The following DOCK1 variants were observed in gnomAD, a reference collection of about 807,000 sequenced individuals.
The protein encoded by DOCK1 is dedicator of cytokinesis protein 1.
Under a neutral mutation model 262.7 loss-of-function variants are expected in DOCK1, and 138 were observed. That is an observed-to-expected ratio of 0.53 (90% CI 0.46 to 0.61). The LOEUF is 0.61. DOCK1 is among the 20% of genes least tolerant of loss of function. The pLI, the probability that DOCK1 is intolerant of heterozygous loss-of-function variation, is 0.00. For synonymous variants in DOCK1, 866 were observed against 867.4 expected, an observed-to-expected ratio of 1.00 and a Z score of 0.03; for missense variants, 1,908 against 2,370.7, an observed-to-expected ratio of 0.80 and a Z score of 4.05.
At chr10:127,230,327 T>G (rs2058795547) in intron 27 of DOCK1, among the ~76,000 whole-genome samples, 1 of 152,168 alleles carries the variant, frequency 6.6e-6, no homozygotes, top group Admixed American at 6.5e-5. Context: ...TAAGGTTATA[T>G]CCAAAAACTC....
Position 127,223,370 on chromosome 10 carries a change from T to A in DOCK1, c.2848-24638T>A, listed in dbSNP as rs550417519. Among the ~76,000 whole-genome samples the A allele has an allele frequency of 1.1e-4, 17 of 152,338 alleles. 2 individuals are homozygous for A. Among genetic ancestry groups the A allele is most frequent in the Admixed American group, 1.1e-3 (17 of 15,308 alleles). On this transcript the variant is annotated intron_variant, in intron 27 of 51. Coordinates refer to ENST00000623213, the MANE Select transcript of DOCK1 (RefSeq NM_001290223.2). ...TGCTTTTTAATTTATTTTCTTGAGT[T>A]TAGTAATTCTATCTTGCTAATGTAC...
chr10:127,142,620 G>A (rs1371618173), intron 27 of DOCK1, among the ~76,000 whole-genome samples: 4 of 152,120 alleles, frequency 2.6e-5, no homozygotes, highest in Admixed American at 2.6e-4. Context: ...GGTGAGAAGG[G>A]AAGATCCCTG....
rs903579848 is a variant in DOCK1 at position 127,030,474 on chromosome 10, A to G, written c.1625-1176A>G. 5.9e-5 allele frequency among the ~76,000 whole-genome samples: 9 copies of G among 152,150 alleles called. No homozygotes were observed. The South Asian group carries it at 1.4e-3, about 24-fold the overall frequency. ...CGCTAGGTCCCCCTCTTCCTGCAGC[A>G]TTGACATCTTGGCTTATGTGCTGTC... On this transcript the variant is annotated intron_variant, in intron 16 of 51. Coordinates refer to ENST00000623213, the MANE Select transcript of DOCK1 (RefSeq NM_001290223.2).
At chr10:127,179,990 G>A (rs1023269) in intron 27 of DOCK1, among the ~76,000 whole-genome samples, 1 of 152,154 alleles carries the variant, frequency 6.6e-6, no homozygotes, top group Non-Finnish European at 1.5e-5. Context: ...ACACGATTTT[G>A]GGATTTTTTG....
At position 127,447,558 on chromosome 10, in the gene DOCK1, T is replaced by A; in HGVS notation, c.5565+13T>A. ...TCCACACCAGAGGGTAAGTCGGCAA[T>A]CTGAAACACAGGCTTTCATTGCTTC... On this transcript the variant is annotated intron_variant, in intron 51 of 51. Coordinates refer to ENST00000623213, the MANE Select transcript of DOCK1 (RefSeq NM_001290223.2). 6 of 1,613,036 alleles carry A rather than the reference T, an allele frequency of 3.7e-6. No individual in the cohort carries two copies. The highest frequency in any genetic ancestry group is 5.1e-6 in the Non-Finnish European group (6 of 1,179,322).
At chr10:127,306,561 CG>C (rs1346345857) in intron 29 of DOCK1, among the ~76,000 whole-genome samples, 1 of 152,154 alleles carries the variant, frequency 6.6e-6, no homozygotes, top group African/African-American at 2.4e-5. Context: ...CAGGAGCTCT[CG>C]GGTCGCTGGG....
At chr10:127,421,470 A>T (rs556120746) in intron 46 of DOCK1, among the ~76,000 whole-genome samples, 2 of 152,356 alleles carry the variant, frequency 1.3e-5, no homozygotes, top group African/African-American at 2.4e-5. Flanking sequence ...TAAAATATAC[A>T]TAACATAAAA....
At chr10:127,388,291 A>T (rs571540081) in intron 38 of DOCK1, among the ~76,000 whole-genome samples, 1 of 152,330 alleles carries the variant, frequency 6.6e-6, no homozygotes, top group African/African-American at 2.4e-5. Context: ...TCTTCGTAGT[A>T]GCTGCATTGA....
chr10:127,116,706 G>T (rs549843436), intron 25 of DOCK1, among the ~76,000 whole-genome samples: 99 of 152,082 alleles, frequency 6.5e-4, no homozygotes, highest in South Asian at 1.2e-3. Flanking sequence ...GAAATATATC[G>T]AAAGGGATCT....
chr10:127,288,011 T>C (rs185459250), intron 29 of DOCK1, among the ~76,000 whole-genome samples: 2 of 152,372 alleles, frequency 1.3e-5, no homozygotes, highest in Admixed American at 1.3e-4. Context: ...CTGAGAGTGT[T>C]TATTAAAGGA....
At chr10:127,363,041 C>CCA (rs1300901734) in intron 33 of DOCK1, among the ~76,000 whole-genome samples, 11 of 19,102 alleles carry the variant, frequency 5.8e-4, no homozygotes, top group African/African-American at 1.0e-3. Flanking sequence ...GCACCTCCCC[C>CCA]CACACACACA....
intron 13 of DOCK1, among the ~76,000 whole-genome samples, chr10:127,019,638 C>T (rs527964488): frequency 6.6e-5 from 10 of 152,210 alleles, no homozygotes; most frequent in African/African-American, 1.9e-4. Flanking sequence ...ATTCTAGTTA[C>T]TTTGGGGGGC....
intron 29 of DOCK1, among the ~76,000 whole-genome samples, chr10:127,317,701 A>T (rs892619859): frequency 4.2e-5 from 6 of 142,958 alleles, no homozygotes. Flanking sequence ...TAGTTGGGTT[A>T]GTTGAGATAA....
At chr10:127,244,555 A>G (rs1229444822) in intron 27 of DOCK1, among the ~76,000 whole-genome samples, 1 of 152,176 alleles carries the variant, frequency 6.6e-6, no homozygotes, top group Non-Finnish European at 1.5e-5. Context: ...TCACATTATC[A>G]TCATTGAAAT....
intron 1 of DOCK1, among the ~76,000 whole-genome samples, chr10:126,911,214 C>T (rs897840310): frequency 3.3e-5 from 5 of 152,124 alleles, no homozygotes; most frequent in African/African-American, 9.7e-5. Context: ...CATTTGTCAC[C>T]GTCCTTATTG....
chr10:127,275,950 C>A (rs987984256), intron 29 of DOCK1, among the ~76,000 whole-genome samples: 1 of 152,262 alleles, frequency 6.6e-6, no homozygotes, highest in Non-Finnish European at 1.5e-5. Context: ...GCATGGCGTA[C>A]AGGCCGCGTT....
At chr10:127,137,003 G>T (rs1017364933) in intron 27 of DOCK1, 1 of 152,618 alleles carries the variant, frequency 6.6e-6, no homozygotes, top group African/African-American at 2.4e-5. Context: ...TATGTTCTCA[G>T]ATTCTTGCCA....
intron 29 of DOCK1, among the ~76,000 whole-genome samples, chr10:127,283,973 C>T (rs961677569): frequency 5.9e-5 from 9 of 152,134 alleles, no homozygotes; most frequent in South Asian, 2.1e-4. Flanking sequence ...ATTGCACTCT[C>T]GCCAGAATTC....
intron 1 of DOCK1, among the ~76,000 whole-genome samples, chr10:126,958,105 C>T (rs911237727): frequency 3.3e-5 from 5 of 152,160 alleles, no homozygotes; most frequent in Non-Finnish European, 5.9e-5. Flanking sequence ...TTCTGGATCT[C>T]TTCCTATCTT....
Sources: gnomAD v4.1 joint callset for allele counts (sites outside exome capture counted in the v4.1 genomes callset) on GRCh38, gnomAD v4.1.1 for gene constraint, MANE v1.5 for transcripts, NCBI Gene and HGNC (gene_info 2026-07-23, HGNC 2026-07-21) for gene names.